Variants in PTK6 observed in about 807,000 individuals in gnomAD.
The protein encoded by PTK6 is protein tyrosine kinase 6.
In PTK6, 47 loss-of-function variants were observed where a neutral mutation model predicts 47.5. The observed-to-expected ratio is 0.99, with a 90% CI of 0.78 to 1.26. PTK6 has a LOEUF of 1.26. Ranked by LOEUF, PTK6 falls within the 50% of genes most tolerant of loss-of-function variation. The pLI is 0.00. For synonymous variants in PTK6, 287 were observed against 276.5 expected, an observed-to-expected ratio of 1.04 and a Z score of -0.38; for missense variants, 618 against 625.3, an observed-to-expected ratio of 0.99 and a Z score of 0.12.
Position 63,533,441 on chromosome 20 carries a change from C to G in PTK6, c.670+110G>C, listed in dbSNP as rs752669742. The G allele has an allele frequency of 7.6e-7, 1 of 1,311,446 alleles. No individual in the cohort carries two copies. The highest frequency in any genetic ancestry group is 1.0e-6 in the Non-Finnish European group (1 of 968,944). 81.2% of individuals were successfully genotyped at this position (1,311,446 alleles called of 1,614,324 possible). On this transcript the variant is annotated intron_variant, in intron 4 of 7. Transcript: ENST00000542869. The surrounding 1 kb of genome is among the most constrained non-coding windows in gnomAD (Gnocchi z 4.0). ...TGAAAGGGAACCACTCTCGCATGGA[C>G]GCTGTGGGTGCTGCTTGGGGCTCGA...
At chr20:63,534,891 C>G (rs748734539) in intron 2 of PTK6, 47 bp downstream of exon 2, 2 of 1,555,026 alleles carry the variant, frequency 1.3e-6, no homozygotes, top group Non-Finnish European at 1.7e-6. Flanking sequence ...GGGCTTAGAG[C>G]CAGGAGCCCC....
chr20:63,534,915 A>G, intron 2 of PTK6, 23 bp downstream of exon 2: 1 of 1,578,386 alleles, frequency 6.3e-7, no homozygotes, highest in Non-Finnish European at 8.6e-7. Flanking sequence ...AGGCAAGCAC[A>G]GGCTCGGAGG....
Position 63,529,398 on chromosome 20 carries a change from C to T in PTK6, c.*138G>A. 1.0e-6 allele frequency: 1 copy of T among 962,212 alleles called. No individual in the cohort carries two copies. Among genetic ancestry groups the T allele is most frequent in the Admixed American group, 3.3e-5 (1 of 30,354 alleles). 59.6% of individuals were successfully genotyped at this position (962,212 alleles called of 1,614,324 possible). A position where few individuals can be genotyped will look rare whatever the true frequency, so the allele number is the denominator to read the frequency against. Reference sequence around the variant, plus strand: ...AGCACACGCGTGTATTGGACGCAGACACTCCACATTTGTGAACCTTTCCTG... The same window carrying T: ...AGCACACGCGTGTATTGGACGCAGATACTCCACATTTGTGAACCTTTCCTG... On this transcript the variant is annotated 3_prime_UTR_variant, in exon 8 of 8. Transcript: ENST00000542869. The surrounding 1 kb of genome is among the most constrained non-coding windows in gnomAD (Gnocchi z 5.6).
At chr20:63,534,817 C>G in intron 2 of PTK6, 121 bp downstream of exon 2, 1 of 1,383,622 alleles carries the variant, frequency 7.2e-7, no homozygotes. Context: ...ATGGGAGCTC[C>G]CTGGAGAGGA....
Position 63,537,191 on chromosome 20 carries a change from C to T in PTK6, c.124G>A (p.Glu42Lys). 6.2e-7 allele frequency: 1 copy of T among 1,612,368 alleles called. No homozygotes were observed. Among genetic ancestry groups the T allele is most frequent in the Non-Finnish European group, 8.5e-7 (1 of 1,179,786 alleles). The change falls in exon 1 of 8, where the codon GAG (glutamate) becomes AAG (lysine). Residue 42 changes from glutamate to lysine, a missense_variant. Glu to Lys is a moderately conservative substitution (Grantham distance 56, BLOSUM62 1). Coordinates refer to ENST00000542869, the MANE Select transcript of PTK6 (RefSeq NM_005975.4). ...GDVFHVARKE[E>K]QWWWATLLDE... The stretch of plus-strand genomic sequence containing the variant: ...AGCAGCGTGGCCCACCACCACTGCT[C>T]CTCCTTCCTGGCCACGTGGAAGACG...
In PTK6 at chr20:63,534,293, CCG is replaced by C; in HGVS notation, c.373_374del (p.Arg125AlafsTer51). ...VLSVRDTQAV[R>X]HYKIWRRAGG... ...CGGCACGCCGCCAGATCTTGTAGTG[CCG>C]CACAGCCTGCGTGTCCCGCACTGGG... On this transcript the variant is annotated frameshift_variant, in exon 3 of 8. Coordinates refer to ENST00000542869, the MANE Select transcript of PTK6 (RefSeq NM_005975.4). LOFTEE classifies it high-confidence loss of function. 1 of 1,607,116 alleles carries C rather than the reference CCG, an allele frequency of 6.2e-7. No homozygotes were observed. The highest frequency in any genetic ancestry group is 8.5e-7 in the Non-Finnish European group (1 of 1,178,290).
intron 5 of PTK6, among the ~76,000 whole-genome samples, chr20:63,531,610 G>A (rs1767396260): frequency 1.7e-5 from 2 of 120,152 alleles, no homozygotes; most frequent in South Asian, 5.3e-4. Context: ...GTGAGACTCC[G>A]TCTCAAAAAA....
chr20:63,530,876 T>A lies in PTK6; in HGVS notation c.884A>T (p.Gln295Leu). 6.2e-7 allele frequency: 1 copy of A among 1,613,798 alleles called. No individual in the cohort carries two copies. The highest frequency in any genetic ancestry group is 1.1e-5 in the South Asian group (1 of 91,068). ...PVSELLDIAW[Q>L]VAEGMCYLES... is the part of the protein sequence containing the mutation. The stretch of plus-strand genomic sequence containing the variant: ...CAGGTAACACATGCCCTCAGCCACC[T>A]GCCAGGCGATGTCCAGCAGCTCCGA... The change falls in exon 6 of 8, where the codon CAG (glutamine) becomes CTG (leucine). Residue 295 changes from glutamine (Q) to leucine (L), a missense_variant. By Grantham distance (113) the Gln-to-Leu change is moderately radical. Coordinates refer to ENST00000542869, the MANE Select transcript of PTK6 (RefSeq NM_005975.4). The surrounding 1 kb of genome is among the most constrained non-coding windows in gnomAD (Gnocchi z 4.1).
At chr20:63,535,147 A>G in intron 1 of PTK6, 88 bp from the exon 2 acceptor site, 1 of 1,466,322 alleles carries the variant, frequency 6.8e-7, no homozygotes, top group Non-Finnish European at 9.1e-7. Flanking sequence ...CTGGAACCCC[A>G]GCCGCCCTTG....
intron 2 of PTK6, 53 bp from the exon 3 acceptor site, chr20:63,534,368 C>T (rs1569012869): frequency 6.6e-6 from 10 of 1,515,726 alleles, no homozygotes; most frequent in South Asian, 2.6e-5. Context: ...CGCCTCCCTG[C>T]GTCCCCAGCC....
rs553672836 is a variant in PTK6 at position 63,533,310 on chromosome 20, C to A, written c.670+241G>T. On this transcript the variant is annotated intron_variant, in intron 4 of 7. Coordinates refer to ENST00000542869, the MANE Select transcript of PTK6 (RefSeq NM_005975.4). The surrounding 1 kb of genome is among the most constrained non-coding windows in gnomAD (Gnocchi z 4.0). ...CTCAAACTCCTGACCTCGTGATCCG[C>A]CCACCTTGGCTTCCCAAAGTGTGGG... 7.9e-4 allele frequency among the ~76,000 whole-genome samples: 121 copies of A among 152,276 alleles called. No homozygotes were observed. The highest frequency in any genetic ancestry group is 1.5e-3 in the Non-Finnish European group (101 of 68,006).
intron 5 of PTK6, among the ~76,000 whole-genome samples, chr20:63,532,208 CTGTG>C (rs1280692454): frequency 5.6e-5 from 8 of 143,510 alleles, no homozygotes; most frequent in African/African-American, 1.9e-4. Flanking sequence ...GTGTGTGTGT[CTGTG>C]TGTGTCCGTG....
Position 63,532,189 on chromosome 20 carries a change from G to A in PTK6, c.832+337C>T, listed in dbSNP as rs562593841. Among the ~76,000 whole-genome samples the A allele has an allele frequency of 3.3e-5, 5 of 150,538 alleles. No individual in the cohort carries two copies. In the South Asian group the frequency reaches 8.4e-4, roughly 25 times the overall value. On this transcript the variant is annotated intron_variant, in intron 5 of 7. Coordinates refer to ENST00000542869, the MANE Select transcript of PTK6 (RefSeq NM_005975.4). ...TGTGTGTGTGTGTCTGTGTGTGTCC[G>A]TGTGATCTGTGTGTGTGTCTGTGTG...
rs555758973 is a variant in PTK6 at position 63,532,327 on chromosome 20, CTGTG to C, written c.832+195_832+198del. Among the ~76,000 whole-genome samples, 3 of 143,306 alleles carry C rather than the reference CTGTG, an allele frequency of 2.1e-5. No individual in the cohort carries two copies. The Admixed American group carries it at 2.1e-4, about 10-fold the overall frequency. The allele number at this position is 143,306 out of a possible 152,430, so 94.0% of individuals were successfully genotyped here. ...TGTGTCTGTGTGTGCATGTGTATGTCTGTGTGCATGTGTGTGTGCATGTGTGTCT... is the reference window on the plus strand; with the variant it reads ...TGTGTCTGTGTGTGCATGTGTATGTCTGCATGTGTGTGTGCATGTGTGTCT... On this transcript the variant is annotated intron_variant, in intron 5 of 7. Coordinates refer to ENST00000542869, the MANE Select transcript of PTK6 (RefSeq NM_005975.4).
Position 63,529,968 on chromosome 20 carries a change from C to CGGAGGGCCCTGAAGCCCGT in PTK6, c.1168+91_1168+109dup. On this transcript the variant is annotated intron_variant, in intron 7 of 7. Coordinates refer to ENST00000542869, the MANE Select transcript of PTK6 (RefSeq NM_005975.4). The surrounding 1 kb of genome is among the most constrained non-coding windows in gnomAD (Gnocchi z 5.6). The stretch of plus-strand genomic sequence containing the variant: ...GGTGTGGAGTTCAGGCGATGGCCCG[C>CGGAGGGCCCTGAAGCCCGT]GGAGGGCCCTGAAGCCCGTGGGGGA... The CGGAGGGCCCTGAAGCCCGT allele has an allele frequency of 7.3e-7, 1 of 1,374,498 alleles. No individual in the cohort carries two copies. Among genetic ancestry groups the CGGAGGGCCCTGAAGCCCGT allele is most frequent in the Non-Finnish European group, 9.9e-7 (1 of 1,008,818 alleles). 85.1% of individuals were successfully genotyped at this position (1,374,498 alleles called of 1,614,324 possible).
Position 63,537,305 on chromosome 20 carries a change from G to C in PTK6, c.10C>G (p.Arg4Gly). The change falls in exon 1 of 8, where the codon CGG becomes GGG. Residue 4 changes from arginine (R) to glycine (G), a missense_variant. By Grantham distance (125) the Arg-to-Gly change is moderately radical (BLOSUM62 -2). Transcript: ENST00000542869. MVS[R>G]DQAHLGPKYV... ...TTGGGGCCCAGGTGAGCCTGGTCCC[G>C]GGACACCATGGCGGGCGGGCGCAGC... The C allele has an allele frequency of 6.2e-7, 1 of 1,609,726 alleles. No homozygotes were observed. The highest frequency in any genetic ancestry group is 8.5e-7 in the Non-Finnish European group (1 of 1,178,654).
rs2082592844 is a variant in PTK6 at position 63,528,515 on chromosome 20, T to G, written c.*1021A>C. The G allele has an allele frequency of 6.6e-6, 1 of 151,450 alleles. No homozygotes were observed. Among genetic ancestry groups the G allele is most frequent in the African/African-American group, 2.4e-5 (1 of 41,204 alleles). The allele number at this position is 151,450 out of a possible 1,614,324, so 9.4% of individuals were successfully genotyped here. A position where few individuals can be genotyped will look rare whatever the true frequency, so the allele number is the denominator to read the frequency against. The stretch of plus-strand genomic sequence containing the variant: ...TCCACCTCCCGGGTTCACACCAGTC[T>G]GCTGCCTCAGCCTCCCACGTAGCTG... On this transcript the variant is annotated 3_prime_UTR_variant, in exon 8 of 8. Transcript: ENST00000542869.
Position 63,530,383 on chromosome 20 carries a change from C to T in PTK6, c.1015-152G>A. The T allele has an allele frequency of 9.6e-7, 1 of 1,046,916 alleles. No homozygotes were observed. The highest frequency in any genetic ancestry group is 2.5e-5 in the Admixed American group (1 of 40,620). 64.9% of individuals were successfully genotyped at this position (1,046,916 alleles called of 1,614,324 possible). On this transcript the variant is annotated intron_variant, in intron 6 of 7. Transcript: ENST00000542869. The surrounding 1 kb of genome is among the most constrained non-coding windows in gnomAD (Gnocchi z 4.1). ...CACGGCCGCTGCAGCTAAGGCCACACTGGGGCCTGACCACCTTCAGGAGCC... is the reference window on the plus strand; with the variant it reads ...CACGGCCGCTGCAGCTAAGGCCACATTGGGGCCTGACCACCTTCAGGAGCC...
intron 2 of PTK6, 67 bp from the exon 3 acceptor site, chr20:63,534,382 C>T (rs2082648451): frequency 6.7e-7 from 1 of 1,485,212 alleles, no homozygotes; most frequent in East Asian, 2.4e-5. Flanking sequence ...CCCAGCCCTG[C>T]TGGCCACACC....
Sources: gnomAD v4.1 joint callset for allele counts (sites outside exome capture counted in the v4.1 genomes callset) on GRCh38, gnomAD v4.1.1 for gene constraint, Gnocchi (gnomAD v3.1) non-coding constraint, MANE v1.5 for transcripts, NCBI Gene and HGNC (gene_info 2026-07-23, HGNC 2026-07-21) for gene names.